The following USP7 variants were observed in gnomAD, a reference collection of about 807,000 sequenced individuals.
USP7 encodes the protein ubiquitin specific peptidase 7.
In USP7, 9 loss-of-function variants were observed where a neutral mutation model predicts 162.9. That is an observed-to-expected ratio of 0.06 (90% CI 0.03 to 0.10). The LOEUF is 0.10. Ranked by LOEUF, USP7 falls within the 10% of genes least tolerant of loss-of-function variation. The probability of loss-of-function intolerance (pLI) is 1.00; values close to 1 mark genes in which losing one functional copy is unlikely to be tolerated. For synonymous variants in USP7, 562 were observed against 475.9 expected, an observed-to-expected ratio of 1.18 and a Z score of -2.35; for missense variants, 715 against 1,373.7, an observed-to-expected ratio of 0.52 and a Z score of 7.58.
At chr16:8,900,326 T>A (rs2061754669) in intron 21 of USP7, among the ~76,000 whole-genome samples, 1 of 152,198 alleles carries the variant, frequency 6.6e-6, no homozygotes. Context: ...AAGGAATTTT[T>A]AAGAAATTGA....
rs1251520236 is a variant in USP7, at chr16:8,893,118, CCTT to C, written c.*877_*879del. On this transcript the variant is annotated 3_prime_UTR_variant, in exon 31 of 31. Transcript: ENST00000344836. ...TTCATTAAATATACAATTCATTTTT[CCTT>C]TTTTTTTCATTTTTAACTTTTTTAC... 1 of 152,154 alleles carries C rather than the reference CCTT, an allele frequency of 6.6e-6. No individual in the cohort carries two copies. Among genetic ancestry groups the C allele is most frequent in the African/African-American group, 2.4e-5 (1 of 41,414 alleles). 9.4% of individuals were successfully genotyped at this position (152,154 alleles called of 1,614,324 possible). A position where few individuals can be genotyped will look rare whatever the true frequency, so the allele number is the denominator to read the frequency against.
chr16:8,919,824 GGAGA>G (rs1897587398), intron 5 of USP7, among the ~76,000 whole-genome samples: 1 of 152,044 alleles, frequency 6.6e-6, no homozygotes, highest in Non-Finnish European at 1.5e-5. Context: ...CAGTGCTGGG[GGAGA>G]CACCTACTGC....
chr16:8,959,386 ATATTTACTAG>A (rs1899921509), intron 1 of USP7, among the ~76,000 whole-genome samples: 2 of 151,730 alleles, frequency 1.3e-5, no homozygotes, highest in African/African-American at 4.8e-5. Flanking sequence ...CCTTCTTCCT[ATATTTACTAG>A]TATCGATCAT....
chr16:8,896,191 C>T (rs572071627), intron 26 of USP7, among the ~76,000 whole-genome samples: 7 of 148,718 alleles, frequency 4.7e-5, no homozygotes, highest in East Asian at 3.9e-4. Flanking sequence ...AAACAGAGAC[C>T]GGAGGCAAGG....
At chr16:8,933,234 A>C (rs1898475043) in intron 1 of USP7, among the ~76,000 whole-genome samples, 1 of 152,126 alleles carries the variant, frequency 6.6e-6, no homozygotes, top group African/African-American at 2.4e-5. Flanking sequence ...CACCGCACCC[A>C]GCTCCCAATA....
chr16:8,932,099 T>C (rs1898386015), intron 1 of USP7, among the ~76,000 whole-genome samples: 1 of 152,030 alleles, frequency 6.6e-6, no homozygotes, highest in Non-Finnish European at 1.5e-5. Flanking sequence ...AACGCTTAGA[T>C]TACATCATAA....
chr16:8,942,434 G>T (rs1027024210), intron 1 of USP7, among the ~76,000 whole-genome samples: 4 of 152,188 alleles, frequency 2.6e-5, no homozygotes, highest in African/African-American at 7.2e-5. Flanking sequence ...CACTGTGAGG[G>T]TCTGACCACC....
chr16:8,963,027 G>T, intron 1 of USP7, 180 bp downstream of exon 1: 1 of 408,798 alleles, frequency 2.4e-6, no homozygotes, highest in Non-Finnish European at 3.6e-6. Context: ...GCCGCCCCTC[G>T]CCCGCGGACC....
At chr16:8,898,798 A>C in intron 23 of USP7, 159 bp from the exon 24 acceptor site, 1 of 642,252 alleles carries the variant, frequency 1.6e-6, no homozygotes, top group Non-Finnish European at 2.6e-6. Context: ...CCAAGAACTA[A>C]GTCCCACTCG....
intron 15 of USP7, among the ~76,000 whole-genome samples, chr16:8,903,793 G>C (rs1277506352): frequency 6.6e-6 from 1 of 151,554 alleles, no homozygotes; most frequent in Non-Finnish European, 1.5e-5. Flanking sequence ...CTTGAATCCA[G>C]GAGGCAGAGG....
At chr16:8,904,710 A>C (rs2061831448) in intron 14 of USP7, 145 bp from the exon 15 acceptor site, 2 of 1,232,392 alleles carry the variant, frequency 1.6e-6, no homozygotes, top group Non-Finnish European at 2.2e-6. Flanking sequence ...TGGGAGGCTG[A>C]GGCGGGCCGA....
At chr16:8,957,040 C>G (rs187903485) in intron 1 of USP7, among the ~76,000 whole-genome samples, 37 of 152,306 alleles carry the variant, frequency 2.4e-4, no homozygotes, top group Non-Finnish European at 4.1e-4. Context: ...TGGAAGCATC[C>G]CTGCTCTGGC....
intron 2 of USP7, among the ~76,000 whole-genome samples, chr16:8,928,278 T>C (rs1898124466): frequency 6.6e-6 from 1 of 152,184 alleles, no homozygotes; most frequent in Non-Finnish European, 1.5e-5. Context: ...AATGAGGTGC[T>C]TCCCAGATTG....
chr16:8,925,063 C>T (rs530363889), intron 2 of USP7, among the ~76,000 whole-genome samples: 1 of 152,250 alleles, frequency 6.6e-6, no homozygotes, highest in East Asian at 1.9e-4. Flanking sequence ...TTGCCATGTG[C>T]TTTTAGGATC....
At chr16:8,897,568 A>C (rs1303245480) in intron 25 of USP7, among the ~76,000 whole-genome samples, 1 of 151,354 alleles carries the variant, frequency 6.6e-6, no homozygotes, top group Non-Finnish European at 1.5e-5. Context: ...GCATCTAAAT[A>C]GGCATGCAGA....
intron 1 of USP7, among the ~76,000 whole-genome samples, chr16:8,948,043 C>A (rs1257979464): frequency 6.6e-6 from 1 of 152,230 alleles, no homozygotes; most frequent in East Asian, 1.9e-4. Flanking sequence ...CCACCCACCA[C>A]CTCTCGAAGA....
intron 1 of USP7, among the ~76,000 whole-genome samples, chr16:8,932,446 A>G (rs1191973452): frequency 6.6e-6 from 1 of 152,102 alleles, no homozygotes; most frequent in East Asian, 1.9e-4. Flanking sequence ...ATATACACAT[A>G]CTTCTAAACT....
At chr16:8,911,271 A>C (rs556163294) in intron 10 of USP7, among the ~76,000 whole-genome samples, 32 of 152,306 alleles carry the variant, frequency 2.1e-4, no homozygotes, top group Middle Eastern at 6.8e-3. Context: ...GTTGGTCCTG[A>C]CATCTCCCCA....
At chr16:8,921,570 C>T (rs1190243735) in intron 3 of USP7, among the ~76,000 whole-genome samples, 1 of 152,194 alleles carries the variant, frequency 6.6e-6, no homozygotes, top group African/African-American at 2.4e-5. Context: ...TGTATCTATA[C>T]AATTTTGACC....
Sources: gnomAD v4.1 joint callset for allele counts (sites outside exome capture counted in the v4.1 genomes callset) on GRCh38, gnomAD v4.1.1 for gene constraint, MANE v1.5 for transcripts, NCBI Gene and HGNC (gene_info 2026-07-23, HGNC 2026-07-21) for gene names.